CLDN10: variants seen among roughly 807,000 people sequenced by gnomAD.
CLDN10 encodes the protein claudin 10.
A neutral mutation model predicts 22.9 loss-of-function variants in CLDN10; 15 were observed. The ratio of observed to expected loss-of-function variants is 0.65; its 90% confidence interval spans 0.44 to 1.01. The LOEUF is 1.01. Among genes scored for constraint, CLDN10 ranks in the 50% least tolerant of loss-of-function variants. The pLI, the probability that CLDN10 is intolerant of heterozygous loss-of-function variation, is 0.00. For missense variants in CLDN10, 247 were observed against 287.8 expected (o/e 0.86, Z 1.03); for synonymous variants, 114 against 111.4 (o/e 1.02, Z -0.15).
chr13:95,440,657 A>G (rs1008469573), intron 1 of CLDN10, among the ~76,000 whole-genome samples: 6 of 152,180 alleles, frequency 3.9e-5, no homozygotes, highest in Admixed American at 3.3e-4. Context: ...GCCTGGGTGA[A>G]GTCCAAGAAG....
intron 1 of CLDN10, among the ~76,000 whole-genome samples, chr13:95,525,251 T>C (rs1029059685): frequency 2.6e-5 from 4 of 152,236 alleles, no homozygotes; most frequent in South Asian, 2.1e-4. Context: ...ACTAATGATG[T>C]TGAACATCTT....
At chr13:95,547,576 G>A (rs1486411825) in intron 1 of CLDN10, among the ~76,000 whole-genome samples, 3 of 152,004 alleles carry the variant, frequency 2.0e-5, no homozygotes, top group African/African-American at 7.3e-5. Context: ...TCTTCACAAC[G>A]CCTTTGAAAG....
chr13:95,516,350 A>G (rs559574408), intron 1 of CLDN10, among the ~76,000 whole-genome samples: 2 of 152,290 alleles, frequency 1.3e-5, no homozygotes, highest in South Asian at 4.1e-4. Flanking sequence ...CTCTTTGAGA[A>G]TTTTGAAGCT....
At chr13:95,535,820 C>A (rs974611390) in intron 1 of CLDN10, among the ~76,000 whole-genome samples, 2 of 152,058 alleles carry the variant, frequency 1.3e-5, no homozygotes, top group African/African-American at 2.4e-5. Context: ...AATCGTGGAA[C>A]AGGCAGAGAA....
At chr13:95,551,488 C>T (rs2043566310), upstream of CLDN10, among the ~76,000 whole-genome samples, 1 of 151,934 alleles carries the variant, frequency 6.6e-6, no homozygotes, top group Non-Finnish European at 1.5e-5. Flanking sequence ...TCTCCAGTCA[C>T]CTTGTCGCCT....
chr13:95,434,911 GA>G (rs1349974158), intron 1 of CLDN10, among the ~76,000 whole-genome samples: 1 of 151,788 alleles, frequency 6.6e-6, no homozygotes, highest in Non-Finnish European at 1.5e-5. Flanking sequence ...AAAACAAAAC[GA>G]AACAAAAAAC....
intron 1 of CLDN10, among the ~76,000 whole-genome samples, chr13:95,541,064 T>C (rs1484908824): frequency 6.6e-6 from 1 of 152,246 alleles, no homozygotes; most frequent in African/African-American, 2.4e-5. Flanking sequence ...CAGCTGTGCA[T>C]GCTAAATCTG....
At chr13:95,573,715 ATT>A (rs776101268) in intron 3 of CLDN10, among the ~76,000 whole-genome samples, 30 of 55,856 alleles carry the variant, frequency 5.4e-4, no homozygotes, top group Non-Finnish European at 9.8e-4. Context: ...TTTTATTTTT[ATT>A]TGTGTGTGTG....
chr13:95,482,635 T>A (rs1368817812), intron 1 of CLDN10, among the ~76,000 whole-genome samples: 2 of 152,178 alleles, frequency 1.3e-5, no homozygotes, highest in Admixed American at 1.3e-4. Flanking sequence ...CTCAGAACCA[T>A]CTGGATTGTT....
intron 1 of CLDN10, among the ~76,000 whole-genome samples, chr13:95,502,829 GT>G (rs1364494242): frequency 1.3e-5 from 2 of 152,168 alleles, no homozygotes; most frequent in African/African-American, 4.8e-5. Flanking sequence ...CCGGCAGCAT[GT>G]TTTAAGTGAG....
chr13:95,467,754 C>T (rs2042594435), intron 1 of CLDN10, among the ~76,000 whole-genome samples: 1 of 152,156 alleles, frequency 6.6e-6, no homozygotes, highest in African/African-American at 2.4e-5. Flanking sequence ...AGCCAACCAC[C>T]TGGAGCCCCA....
At chr13:95,524,265 A>T (rs990799670) in intron 1 of CLDN10, among the ~76,000 whole-genome samples, 6 of 152,142 alleles carry the variant, frequency 3.9e-5, no homozygotes, top group Non-Finnish European at 7.4e-5. Flanking sequence ...GGCCTTTCAC[A>T]CGTTTTGAAA....
rs2043450911 is a variant in CLDN10 at position 95,540,676 on chromosome 13, T to C, written c.215-19456T>C. ...GCTCGGACTGGGAAATGAGAAGTGA[T>C]GTTAATTCTTAACGTTGGCTACTTT... is the stretch of plus-strand genomic sequence containing the variant. On this transcript the variant is annotated intron_variant, in intron 1 of 4. Coordinates refer to the CLDN10 transcript ENST00000376873. Among the ~76,000 whole-genome samples, 3 of 152,220 alleles carry C rather than the reference T, an allele frequency of 2.0e-5. No homozygotes were observed. The South Asian group carries it at 6.2e-4, about 31-fold the overall frequency.
At position 95,541,117 on chromosome 13, in the gene CLDN10, A is replaced by G. The variant is rs757505884; in HGVS notation, c.215-19015A>G. On this transcript the variant is annotated intron_variant, in intron 1 of 4. Transcript: ENST00000376873. ...CCGAGGGACCTTCTACAAATGCTTA[A>G]TTCCAACCATGAAAGCAAACATAGG... Among the ~76,000 whole-genome samples, 62 of 152,252 alleles carry G rather than the reference A, an allele frequency of 4.1e-4. 1 individual carries two copies. Among genetic ancestry groups the G allele is most frequent in the Non-Finnish European group, 7.3e-5 (5 of 68,058 alleles).
chr13:95,505,992 G>A (rs868127011), intron 1 of CLDN10, among the ~76,000 whole-genome samples: 4 of 152,016 alleles, frequency 2.6e-5, no homozygotes, highest in African/African-American at 9.7e-5. Flanking sequence ...CACCTGCCTC[G>A]ACCTCCCAAA....
At chr13:95,452,237 T>C (rs9590274) in intron 1 of CLDN10, among the ~76,000 whole-genome samples, 1,550 of 152,340 alleles carry the variant, frequency 0.01, 35 homozygotes, top group African/African-American at 0.035. Context: ...TGATCATGTC[T>C]GGTCCTTTCA....
At chr13:95,451,178 G>A (rs139095595) in intron 1 of CLDN10, among the ~76,000 whole-genome samples, 43 of 152,214 alleles carry the variant, frequency 2.8e-4, no homozygotes, top group African/African-American at 9.2e-4. Flanking sequence ...GCCAATCCCC[G>A]GCAGGAAGAA....
intron 1 of CLDN10, among the ~76,000 whole-genome samples, chr13:95,554,702 G>A (rs1317595218): frequency 6.6e-6 from 1 of 152,160 alleles, no homozygotes. Context: ...TAAAATCAAT[G>A]TATTTTTCCA....
At chr13:95,576,359 C>G (rs958631645) in intron 3 of CLDN10, among the ~76,000 whole-genome samples, 2 of 152,144 alleles carry the variant, frequency 1.3e-5, no homozygotes, top group Admixed American at 6.5e-5. Flanking sequence ...TTTTGCCTTG[C>G]AATGGAAGTT....
Sources: gnomAD v4.1 joint callset for allele counts (sites outside exome capture counted in the v4.1 genomes callset) on GRCh38, gnomAD v4.1.1 for gene constraint, MANE v1.5 for transcripts, NCBI Gene and HGNC (gene_info 2026-07-23, HGNC 2026-07-21) for gene names.